SFXN5: variants seen among roughly 807,000 people sequenced by gnomAD.
The protein encoded by SFXN5 is sideroflexin 5.
A neutral mutation model predicts 50.2 loss-of-function variants in SFXN5; 43 were observed. That is an observed-to-expected ratio of 0.86 (90% CI 0.67 to 1.11). The LOEUF (loss-of-function observed/expected upper bound fraction) is 1.11, where lower values mean the gene tolerates loss of function less well. SFXN5 is among the 50% of genes least tolerant of loss of function. The pLI is 0.00. For missense variants in SFXN5, 463 were observed against 454.1 expected, an observed-to-expected ratio of 1.02 and a Z score of -0.18; for synonymous variants, 203 against 185.8, an observed-to-expected ratio of 1.09 and a Z score of -0.75.
intron 3 of SFXN5, among the ~76,000 whole-genome samples, chr2:73,026,073 A>G (rs1351526640): frequency 3.3e-5 from 5 of 151,826 alleles, no homozygotes; most frequent in Admixed American, 1.3e-4. Flanking sequence ...ACAGGCCATC[A>G]GCGCAATGCT....
At chr2:73,070,452 G>C (rs1231699880) in intron 1 of SFXN5, 1 of 152,192 alleles carries the variant, frequency 6.6e-6, no homozygotes, top group African/African-American at 2.4e-5. Context: ...AAAAGCCACC[G>C]CACCGACCTT....
intron 12 of SFXN5, among the ~76,000 whole-genome samples, chr2:72,962,039 A>C (rs529995700): frequency 3.9e-5 from 6 of 152,356 alleles, no homozygotes; most frequent in African/African-American, 1.2e-4. Flanking sequence ...CAGGCTCCCC[A>C]GACAGCGTGG....
chr2:73,034,424 A>C (rs755671069), intron 3 of SFXN5, among the ~76,000 whole-genome samples: 1 of 152,196 alleles, frequency 6.6e-6, no homozygotes, highest in Non-Finnish European at 1.5e-5. Context: ...ATTTTCAGCA[A>C]AGCCCAAACA....
chr2:72,960,538 C>G lies in SFXN5; in HGVS notation c.945+593G>C, dbSNP rs942425702. On this transcript the variant is annotated intron_variant, in intron 13 of 13. Transcript: ENST00000272433. The surrounding 1 kb of genome is among the most constrained non-coding windows in gnomAD (Gnocchi z 6.1). ...TCTCTGGAGCTCTAACCCAGCCCCACGCGGCAGCACAGGGGCCGCTCAGAA... is the reference window on the plus strand; with the variant it reads ...TCTCTGGAGCTCTAACCCAGCCCCAGGCGGCAGCACAGGGGCCGCTCAGAA... Among the ~76,000 whole-genome samples the G allele has an allele frequency of 2.6e-5, 4 of 152,102 alleles. No individual in the cohort carries two copies. In the South Asian group the frequency reaches 8.3e-4, roughly 32 times the overall value.
chr2:73,061,312 A>C (rs1682787616), intron 1 of SFXN5, among the ~76,000 whole-genome samples: 1 of 151,754 alleles, frequency 6.6e-6, no homozygotes, highest in African/African-American at 2.4e-5. Context: ...TGTCTCAAAA[A>C]AAAAAAAAAA....
At position 72,961,378 on chromosome 2, in the gene SFXN5, C is replaced by G; in HGVS notation, c.828-130G>C. 1.8e-6 allele frequency: 1 copy of G among 564,468 alleles called. No homozygotes were observed. Among genetic ancestry groups the G allele is most frequent in the Non-Finnish European group, 3.0e-6 (1 of 331,162 alleles). The allele number at this position is 564,468 out of a possible 1,614,324, so 35.0% of individuals were successfully genotyped here. ...GTTCCGGGGCAGTGCCAGTGTGCAG[C>G]TAAACAGATATAGCAGAGTTCTGTC... On this transcript the variant is annotated intron_variant, in intron 12 of 13. Coordinates refer to ENST00000272433, the MANE Select transcript of SFXN5 (RefSeq NM_144579.3). The surrounding 1 kb of genome is among the most constrained non-coding windows in gnomAD (Gnocchi z 4.4).
intron 10 of SFXN5, among the ~76,000 whole-genome samples, chr2:72,986,248 G>A (rs539483931): frequency 3.9e-5 from 6 of 152,180 alleles, no homozygotes; most frequent in East Asian, 1.9e-4. Flanking sequence ...GCTGGTTCTC[G>A]GAATTCATTA....
At chr2:72,966,311 T>G (rs115081765) in intron 12 of SFXN5, among the ~76,000 whole-genome samples, 2,843 of 152,236 alleles carry the variant, frequency 0.019, 89 homozygotes, top group African/African-American at 0.065. Flanking sequence ...TGAACCAGCT[T>G]CAGAATTCCA....
intron 1 of SFXN5, among the ~76,000 whole-genome samples, chr2:73,067,015 C>T (rs1683226721): frequency 6.6e-6 from 1 of 151,942 alleles, no homozygotes; most frequent in Admixed American, 6.6e-5. Flanking sequence ...TTCCACTGTA[C>T]TCTATTGTGG....
At chr2:73,043,089 TA>T (rs1172118079) in intron 2 of SFXN5, among the ~76,000 whole-genome samples, 2 of 151,848 alleles carry the variant, frequency 1.3e-5, no homozygotes, top group African/African-American at 4.8e-5. Context: ...AATAAACAAA[TA>T]AACAAACAGC....
chr2:72,959,099 T>G (rs1334873126), intron 13 of SFXN5, among the ~76,000 whole-genome samples: 1 of 152,112 alleles, frequency 6.6e-6, no homozygotes, highest in Admixed American at 6.5e-5. Flanking sequence ...TCACCTCTCC[T>G]CCACCTCTCT....
At chr2:72,982,109 G>T (rs1671381620) in intron 10 of SFXN5, among the ~76,000 whole-genome samples, 1 of 152,082 alleles carries the variant, frequency 6.6e-6, no homozygotes, top group Non-Finnish European at 1.5e-5. Context: ...GCTGGAAGAG[G>T]ATCAACATTT....
At chr2:73,020,187 G>C (rs1435558548) in intron 6 of SFXN5, 52 bp downstream of exon 6, 1 of 1,540,980 alleles carries the variant, frequency 6.5e-7, no homozygotes. Flanking sequence ...CATAAAGTTA[G>C]ACATTTAAAA....
At chr2:72,983,581 G>C (rs982028314) in intron 10 of SFXN5, among the ~76,000 whole-genome samples, 1 of 152,178 alleles carries the variant, frequency 6.6e-6, no homozygotes. Context: ...CTGAGTGGAT[G>C]CAGCCAGGCA....
At chr2:72,963,279 C>T (rs971803812) in intron 12 of SFXN5, among the ~76,000 whole-genome samples, 6 of 152,200 alleles carry the variant, frequency 3.9e-5, no homozygotes, top group Admixed American at 2.6e-4. Context: ...ACGCTACCCC[C>T]GGCAAGTGAA....
intron 10 of SFXN5, among the ~76,000 whole-genome samples, chr2:72,976,416 A>G (rs1450277372): frequency 1.3e-5 from 2 of 152,252 alleles, no homozygotes; most frequent in Non-Finnish European, 2.9e-5. Context: ...GGCTTCCTAA[A>G]GAAGCTGATT....
chr2:72,964,500 G>T (rs879728154), intron 12 of SFXN5, among the ~76,000 whole-genome samples: 2 of 152,224 alleles, frequency 1.3e-5, no homozygotes, highest in Non-Finnish European at 2.9e-5. Context: ...GAGGCTGAGG[G>T]AGGCTCCACA....
intron 10 of SFXN5, among the ~76,000 whole-genome samples, chr2:72,978,374 C>T (rs148343475): frequency 0.014 from 2,114 of 151,562 alleles, 42 homozygotes; most frequent in African/African-American, 0.049. Flanking sequence ...CCTCTGCCTC[C>T]CGGGTTCAAG....
chr2:73,071,465 G>A (rs985046389), intron 1 of SFXN5, 139 bp downstream of exon 1: 4 of 716,758 alleles, frequency 5.6e-6, no homozygotes, highest in Non-Finnish European at 9.1e-6. Flanking sequence ...GACTGTGACC[G>A]AGGTTCCCCC....
Sources: allele counts gnomAD v4.1 joint callset (sites outside exome capture counted in the v4.1 genomes callset), GRCh38; gene constraint gnomAD v4.1.1; non-coding constraint Gnocchi (gnomAD v3.1); transcripts MANE v1.5; gene names NCBI Gene and HGNC (gene_info 2026-07-23, HGNC 2026-07-21).